Variants in PTPRN2 observed in about 807,000 individuals in gnomAD.
PTPRN2 encodes receptor-type tyrosine-protein phosphatase N2.
In PTPRN2, 74 loss-of-function variants were observed where a neutral mutation model predicts 118.8. That is an observed-to-expected ratio of 0.62 (90% CI 0.52 to 0.76). The LOEUF (loss-of-function observed/expected upper bound fraction) is 0.76. Among genes scored for constraint, PTPRN2 ranks in the 30% least tolerant of loss-of-function variants. PTPRN2 has a pLI of 0.00. For missense variants in PTPRN2, 1,481 were observed against 1,394.4 expected (o/e 1.06, Z -0.99); for synonymous variants, 641 against 608.0 (o/e 1.05, Z -0.80).
At chr7:157,582,007 C>T (rs1356621773) in intron 17 of PTPRN2, among the ~76,000 whole-genome samples, 1 of 152,236 alleles carries the variant, frequency 6.6e-6, no homozygotes, top group Non-Finnish European at 1.5e-5. Flanking sequence ...TCTTCCCCCA[C>T]AGGCTTCGGA....
intron 3 of PTPRN2, among the ~76,000 whole-genome samples, chr7:158,299,183 G>A (rs747207448): frequency 2.0e-5 from 3 of 152,156 alleles, no homozygotes; most frequent in African/African-American, 7.2e-5. Flanking sequence ...GCATATTCCC[G>A]AGACAAATCT....
chr7:157,593,944 A>G (rs996761962), intron 17 of PTPRN2, among the ~76,000 whole-genome samples: 3 of 152,162 alleles, frequency 2.0e-5, no homozygotes, highest in African/African-American at 7.2e-5. Context: ...TTATTTATTT[A>G]TTTTCAATAG....
At chr7:158,100,244 G>T (rs986465009) in intron 10 of PTPRN2, among the ~76,000 whole-genome samples, 5 of 147,316 alleles carry the variant, frequency 3.4e-5, no homozygotes, top group East Asian at 2.0e-4. Context: ...TATTCCATGG[G>T]GTGTGTGTGT....
At chr7:158,558,500 G>A (rs1304247672) in intron 1 of PTPRN2, among the ~76,000 whole-genome samples, 3 of 152,074 alleles carry the variant, frequency 2.0e-5, no homozygotes, top group Non-Finnish European at 4.4e-5. Context: ...GCTACCAGTT[G>A]GTCCCAGGGA....
At chr7:158,077,462 G>A (rs1450453761) in intron 11 of PTPRN2, among the ~76,000 whole-genome samples, 2 of 152,116 alleles carry the variant, frequency 1.3e-5, no homozygotes, top group South Asian at 4.1e-4. Context: ...GCTGTCAGGT[G>A]GAGGATGCTG....
chr7:158,403,929 G>A (rs1000718281), intron 2 of PTPRN2, among the ~76,000 whole-genome samples: 6 of 152,152 alleles, frequency 3.9e-5, no homozygotes, highest in African/African-American at 1.4e-4. Flanking sequence ...AAAATGTAGG[G>A]TAAAAGTCAC....
rs113454985 is a variant in PTPRN2 at position 158,267,285 on chromosome 7, G to A, written c.277+49534C>T. Among the ~76,000 whole-genome samples the A allele has an allele frequency of 8.1e-3, 1,227 of 151,892 alleles. 15 individuals carry two copies. The highest frequency in any genetic ancestry group is 0.028 in the African/African-American group (1,141 of 41,432). ...TGGGTGCTGGGTGCTGGAGTTGACC[G>A]GCTGGCCCGGCAGAGCTGGTTCCCG... On this transcript the variant is annotated intron_variant, in intron 3 of 22. Coordinates refer to ENST00000389418, the MANE Select transcript of PTPRN2 (RefSeq NM_002847.5).
chr7:158,071,612 CGTGGTGGAGGTGCT>C (rs1811737505), intron 11 of PTPRN2, among the ~76,000 whole-genome samples: 1 of 30,554 alleles, frequency 3.3e-5, no homozygotes, highest in Non-Finnish European at 6.6e-5. Flanking sequence ...TGGAGGTGCT[CGTGGTGGAGGTGCT>C]CGTGGTGGTG....
At chr7:158,129,497 C>T (rs551737332) in intron 9 of PTPRN2, among the ~76,000 whole-genome samples, 1 of 151,498 alleles carries the variant, frequency 6.6e-6, no homozygotes, top group Admixed American at 6.6e-5. Context: ...CACACACACA[C>T]ACCATGCAAC....
intron 12 of PTPRN2, among the ~76,000 whole-genome samples, chr7:157,754,245 T>C (rs1304150344): frequency 6.6e-6 from 1 of 152,228 alleles, no homozygotes; most frequent in African/African-American, 2.4e-5. Flanking sequence ...GTGTGGGGAA[T>C]GTGGCCTGTG....
At chr7:158,372,543 A>G (rs374098177) in intron 2 of PTPRN2, among the ~76,000 whole-genome samples, 1 of 127,578 alleles carries the variant, frequency 7.8e-6, no homozygotes, top group East Asian at 2.5e-4. Context: ...GCTGGTCCCC[A>G]GAGCTGGTCT....
chr7:157,970,039 G>A (rs1437478553), intron 11 of PTPRN2, among the ~76,000 whole-genome samples: 1 of 152,042 alleles, frequency 6.6e-6, no homozygotes, highest in Non-Finnish European at 1.5e-5. Context: ...GCTGGCCTGG[G>A]GAAATTGGTG....
intron 10 of PTPRN2, among the ~76,000 whole-genome samples, chr7:158,095,304 A>G (rs1230432039): frequency 6.6e-6 from 1 of 151,190 alleles, no homozygotes; most frequent in Non-Finnish European, 1.5e-5. Context: ...AGTAAAATGC[A>G]TATTTTACCA....
At chr7:157,638,631 T>G (rs1007245913) in intron 14 of PTPRN2, among the ~76,000 whole-genome samples, 12 of 152,348 alleles carry the variant, frequency 7.9e-5, no homozygotes, top group African/African-American at 2.4e-4. Flanking sequence ...ATCAGAGATA[T>G]TTTACATCTT....
intron 3 of PTPRN2, among the ~76,000 whole-genome samples, chr7:158,274,386 G>GGCACAGGGGGGGAGCCA (rs1798807526): frequency 1.1e-5 from 1 of 91,022 alleles, no homozygotes; most frequent in East Asian, 3.3e-4. Flanking sequence ...AGGGGGAGCC[G>GGCACAGGGGGGGAGCCA]CAGGCACAGG....
At chr7:158,361,439 C>T (rs2151292472) in intron 2 of PTPRN2, among the ~76,000 whole-genome samples, 1 of 152,360 alleles carries the variant, frequency 6.6e-6, no homozygotes, top group Middle Eastern at 3.4e-3. Flanking sequence ...GCCCAGACCC[C>T]ATCACAGCTG....
chr7:158,475,113 G>T (rs1212913608), intron 2 of PTPRN2, among the ~76,000 whole-genome samples: 1 of 152,144 alleles, frequency 6.6e-6, no homozygotes, highest in African/African-American at 2.4e-5. Flanking sequence ...GGGGGTGCTT[G>T]GGAGGCACCA....
At chr7:158,139,767 T>C (rs1198318210) in intron 6 of PTPRN2, among the ~76,000 whole-genome samples, 1 of 152,166 alleles carries the variant, frequency 6.6e-6, no homozygotes, top group Non-Finnish European at 1.5e-5. Flanking sequence ...ACCCTGCATG[T>C]CCTGTAAGAA....
chr7:157,969,272 G>A (rs1218540274), intron 11 of PTPRN2, among the ~76,000 whole-genome samples: 1 of 152,100 alleles, frequency 6.6e-6, no homozygotes, highest in Non-Finnish European at 1.5e-5. Flanking sequence ...ACCATGCCCA[G>A]CTTATTTCTG....
Sources: gnomAD v4.1 joint callset for allele counts (sites outside exome capture counted in the v4.1 genomes callset) on GRCh38, gnomAD v4.1.1 for gene constraint, MANE v1.5 for transcripts, NCBI Gene and HGNC (gene_info 2026-07-23, HGNC 2026-07-21) for gene names.